The following RETREG1 variants were observed in gnomAD, a reference collection of about 807,000 sequenced individuals.
RETREG1 encodes reticulophagy regulator 1, also known as family with sequence similarity 134 member B.
A neutral mutation model predicts 54.8 loss-of-function variants in RETREG1; 44 were observed. The ratio of observed to expected loss-of-function variants is 0.80; its 90% CI spans 0.63 to 1.03. The LOEUF (loss-of-function observed/expected upper bound fraction) is 1.03. Among genes scored for constraint, RETREG1 ranks in the 50% least tolerant of loss-of-function variants. The pLI, the probability that RETREG1 is intolerant of heterozygous loss-of-function variation, is 0.00. For synonymous variants in RETREG1, 217 were observed against 238.5 expected, an observed-to-expected ratio of 0.91 and a Z score of 0.83; for missense variants, 554 against 605.1, an observed-to-expected ratio of 0.92 and a Z score of 0.89.
rs375436273 is a variant in RETREG1, at chr5:16,508,297, C to T, written c.459-24825G>A. ...CATTAAAACATTCAAGTAGATTCTA[C>T]ATTATGTGCTGGGAAACACTTTTTT... On this transcript the variant is annotated intron_variant, in intron 3 of 8. Transcript: ENST00000306320. Among the ~76,000 whole-genome samples, 599 of 152,288 alleles carry T rather than the reference C, an allele frequency of 3.9e-3. 3 individuals are homozygous for T. The highest frequency in any genetic ancestry group is 0.014 in the African/African-American group (572 of 41,564).
rs1177166006 is a variant in RETREG1, at chr5:16,597,948, G to GA, written c.320+18703dup. Among the ~76,000 whole-genome samples the GA allele has an allele frequency of 1.3e-5, 2 of 151,940 alleles. No individual in the cohort carries two copies. The highest frequency in any genetic ancestry group is 2.4e-5 in the African/African-American group (1 of 41,342). Reference sequence around the variant, plus strand: ...CAGGGGTAAGGAACTACACTGGAGGGAACTGGGCAGCCCCTGCTTCTGACT... The same window carrying GA: ...CAGGGGTAAGGAACTACACTGGAGGGAAACTGGGCAGCCCCTGCTTCTGACT... On this transcript the variant is annotated intron_variant, in intron 1 of 8. Coordinates refer to ENST00000306320, the MANE Select transcript of RETREG1 (RefSeq NM_001034850.3). This position sits in a 1 kb window ranked among gnomAD's most constrained non-coding sequence, Gnocchi z 4.3.
At position 16,576,578 on chromosome 5, in the gene RETREG1, C is replaced by T. The variant is rs904872055; in HGVS notation, c.321-4476G>A. Among the ~76,000 whole-genome samples, 92 of 152,162 alleles carry T rather than the reference C, an allele frequency of 6.0e-4. 1 individual carries two copies. The highest frequency in any genetic ancestry group is 2.0e-3 in the African/African-American group (85 of 41,532). On this transcript the variant is annotated intron_variant, in intron 1 of 8. Transcript: ENST00000306320. ...TCGGCTCACCGCAACCTCCGCCTCC[C>T]AGGTTCAAGCAATTCCCCTGCCTCA...
chr5:16,482,031 A>AG (rs372119131), intron 4 of RETREG1, among the ~76,000 whole-genome samples: 59 of 152,204 alleles, frequency 3.9e-4, no homozygotes, highest in African/African-American at 1.4e-3. Flanking sequence ...GATGATAAAG[A>AG]GCAAAGGGGT....
chr5:16,480,876 G>T (rs1279550475), intron 5 of RETREG1, 133 bp downstream of exon 5: 2 of 687,670 alleles, frequency 2.9e-6, no homozygotes, highest in Admixed American at 4.2e-5. Flanking sequence ...ACTTTGTACA[G>T]CAGGAGATTA....
intron 3 of RETREG1, among the ~76,000 whole-genome samples, chr5:16,513,347 G>A (rs556271405): frequency 3.9e-5 from 6 of 152,282 alleles, no homozygotes; most frequent in Admixed American, 1.3e-4. Flanking sequence ...TAGAGTTACA[G>A]CAGCCACAGT....
chr5:16,487,031 T>C (rs1042999304), intron 3 of RETREG1, among the ~76,000 whole-genome samples: 3 of 152,190 alleles, frequency 2.0e-5, no homozygotes, highest in South Asian at 4.1e-4. Context: ...TGGGCAAGGC[T>C]TGGGGAACAG....
Position 16,561,475 on chromosome 5 carries a change from C to T in RETREG1, c.458+4288G>A, listed in dbSNP as rs915779432. On this transcript the variant is annotated intron_variant, in intron 3 of 8. Coordinates refer to ENST00000306320, the MANE Select transcript of RETREG1 (RefSeq NM_001034850.3). This position sits in a 1 kb window ranked among gnomAD's most constrained non-coding sequence, Gnocchi z 4.2. Reference sequence around the variant, plus strand: ...TCGCTCTACCACACTCCAGCCTGGGCGACAGAGCAAGACTCCGTCTCAAAA... The same window carrying T: ...TCGCTCTACCACACTCCAGCCTGGGTGACAGAGCAAGACTCCGTCTCAAAA... Among the ~76,000 whole-genome samples the T allele has an allele frequency of 2.6e-5, 4 of 151,424 alleles. No homozygotes were observed. Among genetic ancestry groups the T allele is most frequent in the African/African-American group, 7.3e-5 (3 of 41,150 alleles).
At chr5:16,614,982 C>T (rs1169879105) in intron 1 of RETREG1, among the ~76,000 whole-genome samples, 1 of 152,186 alleles carries the variant, frequency 6.6e-6, no homozygotes, top group Admixed American at 6.5e-5. Flanking sequence ...CGTGAGGAAA[C>T]TGGGCGGCCA....
chr5:16,537,306 C>T (rs1009357108), intron 3 of RETREG1, among the ~76,000 whole-genome samples: 19 of 152,182 alleles, frequency 1.2e-4, no homozygotes, highest in South Asian at 2.1e-4. Flanking sequence ...GGGTTGAAAC[C>T]GCAGGCGTGA....
chr5:16,566,221 A>C (rs1308289497), intron 2 of RETREG1, among the ~76,000 whole-genome samples: 1 of 152,216 alleles, frequency 6.6e-6, no homozygotes, highest in Non-Finnish European at 1.5e-5. Flanking sequence ...CCAATAATAG[A>C]AATGGCATTT....
At chr5:16,569,064 T>A (rs1346191993) in intron 2 of RETREG1, among the ~76,000 whole-genome samples, 1 of 152,104 alleles carries the variant, frequency 6.6e-6, no homozygotes, top group Non-Finnish European at 1.5e-5. Flanking sequence ...CATCTGGATC[T>A]AACGTGAAGC....
rs1329356485 is a variant in RETREG1 at position 16,594,696 on chromosome 5, G to T, written c.320+21956C>A. Among the ~76,000 whole-genome samples, 1 of 152,172 alleles carries T rather than the reference G, an allele frequency of 6.6e-6. No homozygotes were observed. The highest frequency in any genetic ancestry group is 2.4e-5 in the African/African-American group (1 of 41,448). On this transcript the variant is annotated intron_variant, in intron 1 of 8. Coordinates refer to ENST00000306320, the MANE Select transcript of RETREG1 (RefSeq NM_001034850.3). This position sits in a 1 kb window ranked among gnomAD's most constrained non-coding sequence, Gnocchi z 4.4. ...GCCAAGATTGCACCACTGCACTCCA[G>T]CCTGGGCAACAGAGCAAGACTCCAA...
intron 3 of RETREG1, among the ~76,000 whole-genome samples, chr5:16,530,594 C>T (rs991690018): frequency 2.6e-5 from 4 of 152,108 alleles, no homozygotes; most frequent in African/African-American, 4.8e-5. Context: ...ACCTGAGGGC[C>T]GGGCACAGTG....
intron 3 of RETREG1, among the ~76,000 whole-genome samples, chr5:16,552,594 T>C (rs1741574422): frequency 6.6e-6 from 1 of 152,232 alleles, no homozygotes; most frequent in Non-Finnish European, 1.5e-5. Context: ...TGTCATTCAT[T>C]TGTGAATTTC....
chr5:16,543,298 C>T lies in RETREG1; in HGVS notation c.458+22465G>A, dbSNP rs544545761. 2.6e-5 allele frequency among the ~76,000 whole-genome samples: 4 copies of T among 152,232 alleles called. No individual in the cohort carries two copies. The South Asian group carries it at 8.3e-4, about 32-fold the overall frequency. On this transcript the variant is annotated intron_variant, in intron 3 of 8. Transcript: ENST00000306320. ...GCTGCCGTGAACATTTACATGCGGA[C>T]CTGTTTTCATTTCTCTTAGCTAAAT...
chr5:16,535,130 A>C (rs1474729750), intron 3 of RETREG1, among the ~76,000 whole-genome samples: 4 of 152,210 alleles, frequency 2.6e-5, no homozygotes, highest in Non-Finnish European at 5.9e-5. Context: ...CAGAATGCTT[A>C]TGTCACTTTT....
intron 1 of RETREG1, among the ~76,000 whole-genome samples, chr5:16,612,818 G>A (rs541828760): frequency 8.5e-5 from 13 of 152,230 alleles, no homozygotes; most frequent in East Asian, 5.8e-4. Context: ...GTGCCTGCAC[G>A]TCTCGGATTC....
chr5:16,511,294 G>A (rs955991456), intron 3 of RETREG1, among the ~76,000 whole-genome samples: 6 of 152,160 alleles, frequency 3.9e-5, no homozygotes, highest in African/African-American at 1.2e-4. Flanking sequence ...CTCCCAGTCA[G>A]CCCCACGATC....
At chr5:16,572,853 T>C (rs1237129691) in intron 1 of RETREG1, among the ~76,000 whole-genome samples, 1 of 152,044 alleles carries the variant, frequency 6.6e-6, no homozygotes, top group Non-Finnish European at 1.5e-5. Context: ...TTACGCCCTA[T>C]TCACTTCTCT....
Sources: allele counts gnomAD v4.1 joint callset (sites outside exome capture counted in the v4.1 genomes callset), GRCh38; gene constraint gnomAD v4.1.1; non-coding constraint Gnocchi (gnomAD v3.1); transcripts MANE v1.5; gene names NCBI Gene and HGNC (gene_info 2026-07-23, HGNC 2026-07-21).